The following LDLRAD4 variants were observed in gnomAD, a reference collection of about 807,000 sequenced individuals.
LDLRAD4 encodes low density lipoprotein receptor class A domain containing 4, also known as low-density lipoprotein receptor class A domain-containing protein 4.
Under a neutral mutation model 17.0 loss-of-function variants are expected in LDLRAD4, and 5 were observed. That is an observed-to-expected ratio of 0.29 (90% CI 0.15 to 0.62). LDLRAD4 has a LOEUF of 0.62. Among genes scored for constraint, LDLRAD4 ranks in the 20% least tolerant of loss-of-function variants. The pLI is 0.84. For missense variants in LDLRAD4, 340 were observed against 424.7 expected (o/e 0.80, Z 1.75); for synonymous variants, 168 against 171.8 (o/e 0.98, Z 0.17).
intron 1 of LDLRAD4, among the ~76,000 whole-genome samples, chr18:13,305,640 GA>G (rs1198806148): frequency 1.3e-5 from 2 of 152,224 alleles, no homozygotes; most frequent in African/African-American, 4.8e-5. Context: ...GACATTGCAA[GA>G]AGAAGTTGAA....
intron 3 of LDLRAD4, among the ~76,000 whole-genome samples, chr18:13,555,833 A>G (rs1366739351): frequency 6.6e-6 from 1 of 152,242 alleles, no homozygotes; most frequent in Non-Finnish European, 1.5e-5. Context: ...TTGGATTATT[A>G]CTTAGAGCTT....
upstream of LDLRAD4, among the ~76,000 whole-genome samples, chr18:13,274,382 G>T (rs2044736307): frequency 6.6e-6 from 1 of 152,228 alleles, no homozygotes; most frequent in South Asian, 2.1e-4. Context: ...CCCCTACACA[G>T]GGGATGCTAA....
intron 3 of LDLRAD4, among the ~76,000 whole-genome samples, chr18:13,499,466 C>G (rs1568260963): frequency 6.9e-6 from 1 of 145,044 alleles, no homozygotes; most frequent in East Asian, 2.1e-4. Context: ...AATCCTTCTA[C>G]TCACACACGT....
chr18:13,387,546 C>T, exon 2 of LDLRAD4: 1 of 596,722 alleles, frequency 1.7e-6, no homozygotes, highest in Non-Finnish European at 3.0e-6. Context: ...GGTGCCACAC[C>T]CAGGTACCGC....
intron 1 of LDLRAD4, among the ~76,000 whole-genome samples, chr18:13,378,324 C>T (rs2085080252): frequency 1.3e-5 from 2 of 152,136 alleles, no homozygotes; most frequent in South Asian, 2.1e-4. Context: ...CTGCCTCGCC[C>T]GGCAGAGGGG....
intron 1 of LDLRAD4, among the ~76,000 whole-genome samples, chr18:13,350,681 C>T (rs1322482481): frequency 2.6e-5 from 4 of 152,110 alleles, no homozygotes; most frequent in Non-Finnish European, 5.9e-5. Flanking sequence ...TTGCTTTTGG[C>T]ATTTTTGTCA....
intron 1 of LDLRAD4, among the ~76,000 whole-genome samples, chr18:13,264,286 G>A (rs576648751): frequency 1.8e-4 from 27 of 152,354 alleles, no homozygotes; most frequent in Admixed American, 8.5e-4. Context: ...AGTGAAGCTG[G>A]GGCTGCAGAC....
chr18:13,500,223 T>A (rs1461529907), intron 3 of LDLRAD4, among the ~76,000 whole-genome samples: 3 of 151,842 alleles, frequency 2.0e-5, no homozygotes, highest in African/African-American at 7.2e-5. Context: ...CTAGCCAGGC[T>A]GGCCTGGCCC....
intron 3 of LDLRAD4, among the ~76,000 whole-genome samples, chr18:13,537,240 G>A (rs1208152650): frequency 1.3e-5 from 2 of 152,152 alleles, no homozygotes; most frequent in African/African-American, 4.8e-5. Flanking sequence ...CTTACAGAAG[G>A]GGGTAGGTGT....
intron 1 of LDLRAD4, among the ~76,000 whole-genome samples, chr18:13,330,459 T>G (rs973230377): frequency 6.6e-6 from 1 of 152,222 alleles, no homozygotes; most frequent in Admixed American, 6.5e-5. Flanking sequence ...TCAAGTCTTC[T>G]TTTGTGTCTG....
intron 3 of LDLRAD4, among the ~76,000 whole-genome samples, chr18:13,474,508 A>G (rs993832566): frequency 1.3e-5 from 2 of 152,220 alleles, no homozygotes; most frequent in Non-Finnish European, 2.9e-5. Context: ...ACAGAAAGTG[A>G]TGGTGTGGCC....
chr18:13,589,609 C>T (rs997732280), intron 3 of LDLRAD4, among the ~76,000 whole-genome samples: 2 of 152,176 alleles, frequency 1.3e-5, no homozygotes, highest in Admixed American at 6.5e-5. Context: ...TGGCCTTGGA[C>T]TCCCACCTTT....
chr18:13,370,751 C>T lies in LDLRAD4; in HGVS notation c.-382-16590C>T, dbSNP rs138034366. On this transcript the variant is annotated intron_variant, in intron 1 of 5. Transcript: ENST00000359446. ...TTTGAGATGGATTCTTGCTTTGTCT[C>T]TTAGACTGGAGTGCAGTGGTGGGAT... 8.3e-4 allele frequency among the ~76,000 whole-genome samples: 55 copies of T among 65,890 alleles called. 1 individual carries two copies. In the East Asian group the frequency reaches 0.024, roughly 28 times the overall value. The allele number at this position is 65,890 out of a possible 152,430, so 43.2% of individuals were successfully genotyped here. A position where few individuals can be genotyped will look rare whatever the true frequency, so the allele number is the denominator to read the frequency against.
chr18:13,561,240 G>A (rs1383847858), intron 3 of LDLRAD4, among the ~76,000 whole-genome samples: 1 of 152,152 alleles, frequency 6.6e-6, no homozygotes, highest in Non-Finnish European at 1.5e-5. Flanking sequence ...TTTATTTTTA[G>A]GAAACAATAT....
At chr18:13,307,651 T>C (rs2046992064) in intron 1 of LDLRAD4, among the ~76,000 whole-genome samples, 1 of 152,186 alleles carries the variant, frequency 6.6e-6, no homozygotes, top group African/African-American at 2.4e-5. Flanking sequence ...ACTCCTGGCC[T>C]CAAGTGATCC....
chr18:13,362,652 A>C (rs1212462211), intron 1 of LDLRAD4: 14 of 152,258 alleles, frequency 9.2e-5, no homozygotes, highest in Non-Finnish European at 1.6e-4. Context: ...TAAAAGGTAA[A>C]TGTAGCAGAA....
chr18:13,619,523 G>T (rs1436333020), intron 3 of LDLRAD4, among the ~76,000 whole-genome samples: 1 of 144,300 alleles, frequency 6.9e-6, no homozygotes, highest in Non-Finnish European at 1.5e-5. Context: ...GCCGGGGGGG[G>T]GCGGGGGTGG....
At chr18:13,557,036 T>A (rs1273035045) in intron 3 of LDLRAD4, among the ~76,000 whole-genome samples, 1 of 152,190 alleles carries the variant, frequency 6.6e-6, no homozygotes, top group Admixed American at 6.5e-5. Context: ...GGCACACACC[T>A]GTAATCCCAA....
At chr18:13,295,286 C>T (rs1383351461) in intron 1 of LDLRAD4, among the ~76,000 whole-genome samples, 1 of 152,200 alleles carries the variant, frequency 6.6e-6, no homozygotes, top group African/African-American at 2.4e-5. Flanking sequence ...TCCTGGAAAG[C>T]TGAGCTGGAC....
Sources: allele counts gnomAD v4.1 joint callset (sites outside exome capture counted in the v4.1 genomes callset), GRCh38; gene constraint gnomAD v4.1.1; transcripts MANE v1.5; gene names NCBI Gene and HGNC (gene_info 2026-07-23, HGNC 2026-07-21).